HERC1: variants seen among roughly 807,000 people sequenced by gnomAD.
HERC1 encodes HECT and RLD domain containing E3 ubiquitin protein ligase family member 1, also known as probable E3 ubiquitin-protein ligase HERC1.
In HERC1, 160 loss-of-function variants were observed where a neutral mutation model predicts 554.3. The ratio of observed to expected loss-of-function variants is 0.29; its 90% CI spans 0.25 to 0.33. HERC1 has a LOEUF of 0.33. Among genes scored for constraint, HERC1 ranks in the 10% least tolerant of loss-of-function variants. HERC1 has a pLI of 1.00. For synonymous variants in HERC1, 2,175 were observed against 2,131.7 expected, an observed-to-expected ratio of 1.02 and a Z score of -0.56; for missense variants, 4,919 against 5,918.5, an observed-to-expected ratio of 0.83 and a Z score of 5.54.
In HERC1 at chr15:63,696,148, C is replaced by A; in HGVS notation, c.5097G>T (p.Glu1699Asp). Reference protein sequence around the residue: ...GTVGHTGGKGESGRLHHYQDG... With the variant: ...GTVGHTGGKGDSGRLHHYQDG... ...CCTGATAGTGATGCAATCGGCCACT[C>A]TCTCCCTTGCCTCCTGTGTGTCCAA... The change falls in exon 27 of 78, where the codon GAG (glutamate) becomes GAT (aspartate). Residue 1699 changes from glutamate to aspartate, a missense_variant. This residue lies in a region of HERC1 where 1,121 missense variants were observed against 1,244.0 expected (regional missense o/e 0.90). Coordinates refer to ENST00000443617, the MANE Select transcript of HERC1 (RefSeq NM_003922.4). The A allele has an allele frequency of 1.9e-6, 3 of 1,613,322 alleles. No homozygotes were observed. Among genetic ancestry groups the A allele is most frequent in the Non-Finnish European group, 2.5e-6 (3 of 1,179,550 alleles).
chr15:63,635,393 G>A (rs1032960525), intron 65 of HERC1, among the ~76,000 whole-genome samples: 1 of 152,088 alleles, frequency 6.6e-6, no homozygotes, highest in Non-Finnish European at 1.5e-5. Context: ...GCTCTCCCAA[G>A]TCTGATCTGT....
At chr15:63,613,001 T>C (rs946211882) in intron 76 of HERC1, among the ~76,000 whole-genome samples, 2 of 152,208 alleles carry the variant, frequency 1.3e-5, no homozygotes, top group Non-Finnish European at 2.9e-5. Flanking sequence ...ATTTGTCTTT[T>C]GAAAATAATT....
intron 39 of HERC1, among the ~76,000 whole-genome samples, chr15:63,671,741 C>T (rs2070938742): frequency 6.6e-6 from 1 of 152,188 alleles, no homozygotes; most frequent in African/African-American, 2.4e-5. Context: ...AGACACTCCC[C>T]TGTTCCACTG....
chr15:63,690,232 T>C (rs961185079), intron 32 of HERC1, among the ~76,000 whole-genome samples: 1 of 151,960 alleles, frequency 6.6e-6, no homozygotes, highest in Middle Eastern at 3.2e-3. Context: ...CCTTACTATT[T>C]AGACCTCTGA....
chr15:63,700,708 C>CAAAAAAAAA (rs11314964), intron 25 of HERC1, among the ~76,000 whole-genome samples: 221 of 64,476 alleles, frequency 3.4e-3, no homozygotes, highest in Non-Finnish European at 5.3e-3. Context: ...GACCCTGCCT[C>CAAAAAAAAA]AAAAAAAAAA....
Position 63,793,309 on chromosome 15 carries a change from T to C in HERC1, c.-26-17660A>G, listed in dbSNP as rs2076709322. Among the ~76,000 whole-genome samples the C allele has an allele frequency of 3.3e-5, 5 of 152,344 alleles. No individual in the cohort carries two copies. The South Asian group carries it at 8.3e-4, about 25-fold the overall frequency. Reference sequence around the variant, plus strand: ...ATAAAACTGGTTGCAGTAAAGAAGCTGGCCCAAACCCACCAAAACCAAGAT... The same window carrying C: ...ATAAAACTGGTTGCAGTAAAGAAGCCGGCCCAAACCCACCAAAACCAAGAT... On this transcript the variant is annotated intron_variant, in intron 1 of 77. Transcript: ENST00000443617.
chr15:63,704,802 G>C (rs750707202), intron 25 of HERC1, among the ~76,000 whole-genome samples: 6 of 143,330 alleles, frequency 4.2e-5, no homozygotes, highest in Non-Finnish European at 7.5e-5. Context: ...GCAGTGGTGC[G>C]ATCTCGGCTC....
chr15:63,770,359 A>G (rs1433560470), intron 2 of HERC1, among the ~76,000 whole-genome samples: 1 of 152,218 alleles, frequency 6.6e-6, no homozygotes, highest in East Asian at 1.9e-4. Flanking sequence ...GACTTCTACT[A>G]TAGCCCATTA....
intron 74 of HERC1, among the ~76,000 whole-genome samples, chr15:63,620,935 G>C (rs1250263952): frequency 1.3e-5 from 2 of 152,168 alleles, no homozygotes; most frequent in African/African-American, 2.4e-5. Context: ...GATGGGTCTT[G>C]ACTCTTTATC....
At position 63,636,015 on chromosome 15, in the gene HERC1, G is replaced by T; in HGVS notation, c.12360C>A (p.Asp4120Glu). 1 of 1,613,864 alleles carries T rather than the reference G, an allele frequency of 6.2e-7. No homozygotes were observed. The highest frequency in any genetic ancestry group is 8.5e-7 in the Non-Finnish European group (1 of 1,179,864). Reference protein sequence around the residue: ...DYGKLGHGNSDRQRRPRQIEA... With the variant: ...DYGKLGHGNSERQRRPRQIEA... ...CGATCTGCCTGGGCCGCCGCTGCCT[G>T]TCGCTGTTCCCATGGCCAAGTTTAC... The change falls in exon 65 of 78, where the codon GAC (aspartate) becomes GAA (glutamate). Residue 4120 changes from aspartate to glutamate, a missense_variant. Asp to Glu is a conservative substitution (Grantham distance 45). Around this residue, in one of 11 missense-constraint regions of HERC1, gnomAD observed 122 missense variants for 195.2 expected, o/e 0.63. Coordinates refer to ENST00000443617, the MANE Select transcript of HERC1 (RefSeq NM_003922.4).
Position 63,648,218 on chromosome 15 carries a change from A to G in HERC1, c.10748-19T>C. 1 of 1,587,668 alleles carries G rather than the reference A, an allele frequency of 6.3e-7. No homozygotes were observed. Among genetic ancestry groups the G allele is most frequent in the Non-Finnish European group, 8.6e-7 (1 of 1,164,314 alleles). On this transcript the variant is annotated intron_variant, in intron 54 of 77. Transcript: ENST00000443617. ...ACAGACACTAACATGATCAAAACAA[A>G]AGAGTAAGGAAAAGATAATTATTTG...
In HERC1 at chr15:63,657,325, G is replaced by C. The variant is rs577198236; in HGVS notation, c.9600-967C>G. Among the ~76,000 whole-genome samples the C allele has an allele frequency of 5.0e-4, 75 of 149,488 alleles. 1 individual carries two copies. The highest frequency in any genetic ancestry group is 1.0e-3 in the Non-Finnish European group (69 of 67,614). ...TTCCCAGGCTGGTCTCAAACTCCTG[G>C]CTCAAGGGTTCTTCCCGTCTTGGCC... is the stretch of plus-strand genomic sequence containing the variant. On this transcript the variant is annotated intron_variant, in intron 48 of 77. Coordinates refer to ENST00000443617, the MANE Select transcript of HERC1 (RefSeq NM_003922.4).
intron 64 of HERC1, chr15:63,637,055 C>T (rs766676667): frequency 1.1e-5 from 5 of 451,436 alleles, no homozygotes; most frequent in South Asian, 3.1e-5. Context: ...ATGAGCAAGC[C>T]GGGGGCTTGT....
intron 64 of HERC1, among the ~76,000 whole-genome samples, chr15:63,636,541 G>A (rs2068789488): frequency 6.6e-6 from 1 of 152,072 alleles, no homozygotes; most frequent in Non-Finnish European, 1.5e-5. Context: ...AAAGCGCTGG[G>A]TTTACAGGCA....
intron 1 of HERC1, among the ~76,000 whole-genome samples, chr15:63,817,133 G>C (rs939656081): frequency 2.0e-5 from 3 of 150,100 alleles, no homozygotes; most frequent in Non-Finnish European, 4.5e-5. Context: ...AAGAGATGAA[G>C]AGAGTCTAAA....
At position 63,729,301 on chromosome 15, in the gene HERC1, T is replaced by C. The variant is rs2074176335; in HGVS notation, c.3089A>G (p.Tyr1030Cys). ...TTTGAGCAAATTTGCAGAACGTGAA[T>C]AAATATCTGTGGCATGAGGCAACAA... is the stretch of plus-strand genomic sequence containing the variant. ...QLLLPHATDIYSRSANLLKES... is the reference protein window; with the variant it reads ...QLLLPHATDICSRSANLLKES... The change falls in exon 16 of 78, where the codon TAT becomes TGT. Residue 1030 changes from tyrosine (Y) to cysteine (C), a missense_variant. Coordinates refer to ENST00000443617, the MANE Select transcript of HERC1 (RefSeq NM_003922.4). 1 of 1,611,952 alleles carries C rather than the reference T, an allele frequency of 6.2e-7. No homozygotes were observed. The highest frequency in any genetic ancestry group is 8.5e-7 in the Non-Finnish European group (1 of 1,178,982).
chr15:63,719,663 G>T (rs1251877963), intron 19 of HERC1, among the ~76,000 whole-genome samples: 1 of 152,214 alleles, frequency 6.6e-6, no homozygotes, highest in East Asian at 1.9e-4. Context: ...TCAGAAAAAG[G>T]TAAGAGCAGC....
intron 1 of HERC1, among the ~76,000 whole-genome samples, chr15:63,828,719 T>A (rs971451126): frequency 1.3e-5 from 2 of 151,954 alleles, no homozygotes; most frequent in Admixed American, 1.3e-4. Flanking sequence ...AAAATAATAA[T>A]AATTAAAATC....
intron 32 of HERC1, among the ~76,000 whole-genome samples, 174 bp from the exon 33 acceptor site, chr15:63,689,873 C>A (rs1238420487): frequency 3.3e-5 from 5 of 152,006 alleles, no homozygotes; most frequent in Non-Finnish European, 1.5e-5. Context: ...GAAATATTAA[C>A]CCATTAGAAG....
Sources: gnomAD v4.1 joint callset for allele counts (sites outside exome capture counted in the v4.1 genomes callset) on GRCh38, gnomAD v4.1.1 for gene constraint, gnomAD v4.1.1 regional missense constraint, MANE v1.5 for transcripts, NCBI Gene and HGNC (gene_info 2026-07-23, HGNC 2026-07-21) for gene names.